KLHL32: variants seen among roughly 807,000 people sequenced by gnomAD.
KLHL32 encodes kelch-like protein 32.
A neutral mutation model predicts 64.8 loss-of-function variants in KLHL32; 35 were observed. That is an observed-to-expected ratio of 0.54 (90% confidence interval 0.41 to 0.72). The LOEUF (loss-of-function observed/expected upper bound fraction) is 0.72, where lower values mean the gene tolerates loss of function less well. Among genes scored for constraint, KLHL32 ranks in the 30% least tolerant of loss-of-function variants. The probability of loss-of-function intolerance (pLI) is 0.00; values close to 1 mark genes in which losing one functional copy is unlikely to be tolerated. For missense variants in KLHL32, 589 were observed against 768.5 expected (o/e 0.77, Z 2.76); for synonymous variants, 259 against 281.0 (o/e 0.92, Z 0.78).
chr6:96,954,532 A>AG (rs1773039477), intron 1 of KLHL32, among the ~76,000 whole-genome samples: 1 of 152,136 alleles, frequency 6.6e-6, no homozygotes, highest in Non-Finnish European at 1.5e-5. Flanking sequence ...GTGTTGGCTT[A>AG]GTTATATTCC....
chr6:96,929,014 G>T (rs988244226), intron 1 of KLHL32, among the ~76,000 whole-genome samples: 19 of 152,120 alleles, frequency 1.2e-4, no homozygotes, highest in African/African-American at 4.6e-4. Flanking sequence ...TCCTGGTTGG[G>T]TCAATGTTTT....
chr6:97,076,167 C>A (rs1791562543), intron 5 of KLHL32, among the ~76,000 whole-genome samples: 1 of 152,132 alleles, frequency 6.6e-6, no homozygotes, highest in Admixed American at 6.5e-5. Flanking sequence ...GTTCTCCCTG[C>A]TTATCTCCAG....
At chr6:96,982,031 T>G (rs1776376197) in intron 3 of KLHL32, among the ~76,000 whole-genome samples, 1 of 152,104 alleles carries the variant, frequency 6.6e-6, no homozygotes. Flanking sequence ...ATTCTGTTGT[T>G]TTTGGATGAG....
At chr6:97,040,203 AGG>A (rs1300123518) in intron 3 of KLHL32, among the ~76,000 whole-genome samples, 1 of 152,170 alleles carries the variant, frequency 6.6e-6, no homozygotes, top group Non-Finnish European at 1.5e-5. Context: ...GCAGAATCTC[AGG>A]GAACAGTTCC....
At chr6:96,901,116 A>C in the KLHL32 span, among the ~76,000 whole-genome samples, 52 of 152,314 alleles carry the variant, frequency 3.4e-4, no homozygotes, top group African/African-American at 1.2e-3. Flanking sequence ...ATCAACCAGC[A>C]ATTATGCCCA....
chr6:97,016,717 G>T (rs969096074), intron 3 of KLHL32, among the ~76,000 whole-genome samples: 9 of 152,134 alleles, frequency 5.9e-5, no homozygotes, highest in African/African-American at 1.9e-4. Flanking sequence ...GGGGCCAGGG[G>T]CAGAATTATA....
chr6:97,053,347 A>G (rs1003305618), intron 4 of KLHL32, among the ~76,000 whole-genome samples: 18 of 152,192 alleles, frequency 1.2e-4, no homozygotes, highest in African/African-American at 3.6e-4. Context: ...AGCTCTGCCT[A>G]TGAAAATGAA....
At chr6:97,017,508 G>A (rs1183130713) in intron 3 of KLHL32, among the ~76,000 whole-genome samples, 1 of 152,200 alleles carries the variant, frequency 6.6e-6, no homozygotes, top group African/African-American at 2.4e-5. Context: ...GAGGAGTCAG[G>A]CAAGGGTTAG....
upstream of KLHL32, among the ~76,000 whole-genome samples, chr6:96,920,814 T>C (rs1582338342): frequency 6.6e-6 from 1 of 152,214 alleles, no homozygotes; most frequent in African/African-American, 2.4e-5. Context: ...CTCCCTCCCC[T>C]TTTCTCTCTC....
the KLHL32 span, among the ~76,000 whole-genome samples, chr6:96,902,646 G>A: frequency 3.3e-5 from 5 of 151,998 alleles, no homozygotes; most frequent in East Asian, 1.9e-4. Context: ...TGGTGTCTTC[G>A]TCATGAAATC....
intron 10 of KLHL32, among the ~76,000 whole-genome samples, chr6:97,134,419 C>T (rs568744252): frequency 6.6e-6 from 1 of 152,292 alleles, no homozygotes; most frequent in African/African-American, 2.4e-5. Flanking sequence ...ACTTTTCTCT[C>T]AAAGAGTGCT....
intron 1 of KLHL32, among the ~76,000 whole-genome samples, chr6:96,958,794 C>T (rs1041294705): frequency 1.6e-4 from 22 of 136,320 alleles, no homozygotes; most frequent in African/African-American, 6.1e-4. Flanking sequence ...TAGTGGGTTA[C>T]CCATGGAAGG....
chr6:96,988,605 T>A (rs1217704572), intron 3 of KLHL32, among the ~76,000 whole-genome samples: 1 of 152,190 alleles, frequency 6.6e-6, no homozygotes, highest in African/African-American at 2.4e-5. Flanking sequence ...CATTACTGGG[T>A]ATATACCCAA....
intron 3 of KLHL32, among the ~76,000 whole-genome samples, chr6:96,999,930 A>G (rs1389686130): frequency 6.6e-6 from 1 of 152,328 alleles, no homozygotes; most frequent in South Asian, 2.1e-4. Flanking sequence ...CAGCTTCTGC[A>G]TAGAGATGAT....
At chr6:97,029,932 A>C (rs761429294) in intron 3 of KLHL32, among the ~76,000 whole-genome samples, 2 of 152,210 alleles carry the variant, frequency 1.3e-5, no homozygotes, top group Non-Finnish European at 2.9e-5. Context: ...GGCATATAGA[A>C]GATGTAAGAT....
At chr6:97,082,251 T>C (rs1312918779) in intron 5 of KLHL32, among the ~76,000 whole-genome samples, 1 of 152,078 alleles carries the variant, frequency 6.6e-6, no homozygotes, top group Non-Finnish European at 1.5e-5. Flanking sequence ...GGGTTCTTGA[T>C]GTGGGTGTCT....
chr6:97,049,393 G>A (rs1786469885), intron 4 of KLHL32, among the ~76,000 whole-genome samples: 1 of 152,164 alleles, frequency 6.6e-6, no homozygotes, highest in Non-Finnish European at 1.5e-5. Context: ...ATGAGGATAT[G>A]CTGAACAAAG....
chr6:96,914,261 A>C, the KLHL32 span, among the ~76,000 whole-genome samples: 1 of 152,136 alleles, frequency 6.6e-6, no homozygotes, highest in Admixed American at 6.5e-5. Context: ...ACTGTAATAT[A>C]ATACATTTGT....
At chr6:97,000,239 A>G (rs1156691750) in intron 3 of KLHL32, among the ~76,000 whole-genome samples, 1 of 152,202 alleles carries the variant, frequency 6.6e-6, no homozygotes, top group Non-Finnish European at 1.5e-5. Flanking sequence ...GGCTAACTCT[A>G]AGGGTGTTAT....
Sources: allele counts gnomAD v4.1 joint callset (sites outside exome capture counted in the v4.1 genomes callset), GRCh38; gene constraint gnomAD v4.1.1; transcripts MANE v1.5; gene names NCBI Gene and HGNC (gene_info 2026-07-23, HGNC 2026-07-21).